The following PI4KB variants were observed in gnomAD, a reference collection of about 807,000 sequenced individuals.
PI4KB encodes the protein PtdIns 4-kinase beta.
Under a neutral mutation model 81.4 loss-of-function variants are expected in PI4KB, and 23 were observed. The observed-to-expected ratio is 0.28, with a 90% CI of 0.20 to 0.40. The LOEUF is 0.40. Among genes scored for constraint, PI4KB ranks in the 10% least tolerant of loss-of-function variants. PI4KB has a pLI of 1.00. For synonymous variants in PI4KB, 381 were observed against 406.8 expected (o/e 0.94, Z 0.76); for missense variants, 651 against 1,036.6 (o/e 0.63, Z 5.11).
chr1:151,326,404 T>C (rs759338985), intron 1 of PI4KB: 222 of 520,046 alleles, frequency 4.3e-4, no homozygotes, highest in Non-Finnish European at 6.4e-4. Flanking sequence ...AGATAAAGAG[T>C]GTAACAGAGA....
chr1:151,298,673 G>A lies in PI4KB; in HGVS notation c.2015+135C>T, dbSNP rs587628720. 2.1e-4 allele frequency: 204 copies of A among 963,288 alleles called. 4 individuals carry two copies. In the South Asian group the frequency reaches 3.0e-3, roughly 14 times the overall value. 59.7% of individuals were successfully genotyped at this position (963,288 alleles called of 1,614,324 possible). On this transcript the variant is annotated intron_variant, in intron 9 of 11. Coordinates refer to ENST00000368873, the MANE Select transcript of PI4KB (RefSeq NM_001369623.2). ...GACTTAATGTCATGGGAACACATCT[G>A]TCTCTGCTTAAAATACATTGTTTCA...
In PI4KB at chr1:151,316,074, T is replaced by A; in HGVS notation, c.408A>T (p.Ser136=). 3.7e-6 allele frequency: 6 copies of A among 1,614,154 alleles called. No individual in the cohort carries two copies. The highest frequency in any genetic ancestry group is 4.2e-6 in the Non-Finnish European group (5 of 1,180,018). The part of the protein sequence containing the change: ...KQSWLLRLFE[S]KLFDISMAIS... ...TGGCCATGGAGATGTCAAACAGTTT[T>A]GACTCAAACAGCCTCAGCAGCCAAG... Residue 136 remains serine (S), a synonymous_variant, in exon 2 of 12, where the codon TCA becomes TCT. Transcript: ENST00000368873.
At chr1:151,299,726 G>A (rs918631622) in intron 8 of PI4KB, among the ~76,000 whole-genome samples, 1 of 152,118 alleles carries the variant, frequency 6.6e-6, no homozygotes, top group African/African-American at 2.4e-5. Flanking sequence ...TTTAGGTCCA[G>A]AGAAGACTTC....
intron 1 of PI4KB, among the ~76,000 whole-genome samples, chr1:151,323,067 AAAAG>A (rs1438470160): frequency 2.6e-5 from 4 of 152,240 alleles, no homozygotes; most frequent in African/African-American, 7.2e-5. Flanking sequence ...AAGTTAATGG[AAAAG>A]AAAGAAAGGT....
chr1:151,302,757 ATT>A (rs1695402110), intron 6 of PI4KB, among the ~76,000 whole-genome samples: 1 of 142,684 alleles, frequency 7.0e-6, no homozygotes, highest in African/African-American at 2.6e-5. Flanking sequence ...TTTTTTTTGT[ATT>A]TTTTTGGTAG....
chr1:151,296,196 G>A lies in PI4KB; in HGVS notation c.2016-1655C>T, dbSNP rs12750030. ...TGGGAGGCAGAGGTTACAGTGAGCC[G>A]AGATCACGCCACTGCACTCCAGCCT... On this transcript the variant is annotated intron_variant, in intron 9 of 11. Coordinates refer to ENST00000368873, the MANE Select transcript of PI4KB (RefSeq NM_001369623.2). Among the ~76,000 whole-genome samples the A allele has an allele frequency of 5.8e-3, 877 of 152,224 alleles. 3 individuals are homozygous for A. The highest frequency in any genetic ancestry group is 0.014 in the Middle Eastern group (4 of 294).
chr1:151,293,780 TA>T, intron 11 of PI4KB: 1 of 483,520 alleles, frequency 2.1e-6, no homozygotes, highest in South Asian at 2.5e-5. Flanking sequence ...GTTTTCTCCC[TA>T]AAGATGCCAA....
In PI4KB at chr1:151,315,575, C is replaced by A; in HGVS notation, c.907G>T (p.Glu303Ter). 1 of 1,612,570 alleles carries A rather than the reference C, an allele frequency of 6.2e-7. No homozygotes were observed. Among genetic ancestry groups the A allele is most frequent in the South Asian group, 1.1e-5 (1 of 90,994 alleles). Residue 303 changes from glutamate (E) to a stop codon, truncating the protein, a stop_gained and splice_region_variant, in exon 2 of 12, where the codon GAG (glutamate) becomes TAG (stop). Transcript: ENST00000368873. LOFTEE classifies it high-confidence loss of function. The part of the protein sequence containing the change: ...ASNPKVENED[E>*]ELSSSTESID... ...TCTGGCCCTCCCCAGAATTTTACCT[C>A]ATCCTCATTCTCCACTTTAGGGTTG...
rs954257445 is a variant in PI4KB at position 151,291,825 on chromosome 1, G to A, written c.*1027C>T. 6.6e-6 allele frequency: 1 copy of A among 152,632 alleles called. No individual in the cohort carries two copies. The highest frequency in any genetic ancestry group is 1.9e-4 in the East Asian group (1 of 5,182). The allele number at this position is 152,632 out of a possible 1,614,324, so 9.5% of individuals were successfully genotyped here. A position where few individuals can be genotyped will look rare whatever the true frequency, so the allele number is the denominator to read the frequency against. On this transcript the variant is annotated 3_prime_UTR_variant, in exon 12 of 12. Coordinates refer to ENST00000368873, the MANE Select transcript of PI4KB (RefSeq NM_001369623.2). ...AGGCTCTCAGGAATCCTTTATTCTT[G>A]TAGTAATAATAATACTAACAAACAG...
At chr1:151,324,858 G>A (rs1287978981) in intron 1 of PI4KB, 2 of 985,082 alleles carry the variant, frequency 2.0e-6, no homozygotes, top group African/African-American at 1.7e-5. Flanking sequence ...CCCAAATCAA[G>A]GAATCTCAAT....
Position 151,315,894 on chromosome 1 carries a change from G to C in PI4KB, c.588C>G (p.Pro196=), listed in dbSNP as rs754130802. ...MDEDVGDAIK[P]YIVHRCRQSI... is the part of the protein sequence containing the mutation. The stretch of plus-strand genomic sequence containing the variant: ...TCTGGCGGCAACGGTGGACTATGTA[G>C]GGCTTAATGGCATCACCCACGTCCT... The change falls in exon 2 of 12, where the codon CCC becomes CCG. Residue 196 remains proline (P), a synonymous_variant. Coordinates refer to ENST00000368873, the MANE Select transcript of PI4KB (RefSeq NM_001369623.2). 1.2e-6 allele frequency: 2 copies of C among 1,613,964 alleles called. No individual in the cohort carries two copies. Among genetic ancestry groups the C allele is most frequent in the African/African-American group, 2.7e-5 (2 of 74,916 alleles).
chr1:151,303,772 A>C, intron 5 of PI4KB, 122 bp from the exon 6 acceptor site: 1 of 712,650 alleles, frequency 1.4e-6, no homozygotes, highest in Non-Finnish European at 2.5e-6. Flanking sequence ...CTTACACACC[A>C]TGTTGGTTAC....
Position 151,317,002 on chromosome 1 carries a change from T to C in PI4KB, c.-28-493A>G, listed in dbSNP as rs187938841. ...AACGTCCAGCTAATTTTGTTTTGTA[T>C]TTTTAGTAGACACACGGTTTCACCA... On this transcript the variant is annotated intron_variant, in intron 1 of 11. Transcript: ENST00000368873. Among the ~76,000 whole-genome samples, 801 of 152,130 alleles carry C rather than the reference T, an allele frequency of 5.3e-3. 23 individuals are homozygous for C. Among genetic ancestry groups the C allele is most frequent in the Admixed American group, 0.047 (720 of 15,284 alleles).
chr1:151,320,991 A>G (rs1648767611), intron 1 of PI4KB, among the ~76,000 whole-genome samples: 2 of 152,194 alleles, frequency 1.3e-5, no homozygotes, highest in South Asian at 4.1e-4. Context: ...GCCTGCCCCA[A>G]TTAACTACGA....
intron 5 of PI4KB, among the ~76,000 whole-genome samples, chr1:151,305,387 A>T (rs762710998): frequency 2.6e-5 from 4 of 152,180 alleles, no homozygotes; most frequent in Non-Finnish European, 5.9e-5. Flanking sequence ...CCACGTGTCC[A>T]GTCTTATTCT....
rs1649807718 is a variant in PI4KB at position 151,327,339 on chromosome 1, G to C, written c.-97C>G. 2 of 397,072 alleles carry C rather than the reference G, an allele frequency of 5.0e-6. No homozygotes were observed. Among genetic ancestry groups the C allele is most frequent in the Non-Finnish European group, 8.9e-6 (2 of 225,506 alleles). The allele number at this position is 397,072 out of a possible 1,614,324, so 24.6% of individuals were successfully genotyped here. ...GACTGCCGACACTGCCGCCTCAGCA[G>C]CAGCGACCGCTCCCGGGTTCCATTG... On this transcript the variant is annotated 5_prime_UTR_variant, in exon 1 of 12. Coordinates refer to ENST00000368873, the MANE Select transcript of PI4KB (RefSeq NM_001369623.2).
chr1:151,297,465 C>T (rs587701242), intron 9 of PI4KB, among the ~76,000 whole-genome samples: 2 of 151,276 alleles, frequency 1.3e-5, no homozygotes, highest in East Asian at 3.9e-4. Context: ...CCTTACCTCC[C>T]GAGTAGCTGG....
chr1:151,305,924 C>G (rs1476416987), intron 5 of PI4KB, among the ~76,000 whole-genome samples: 1 of 152,204 alleles, frequency 6.6e-6, no homozygotes, highest in Admixed American at 6.5e-5. Context: ...ACATTTAAAT[C>G]TGAATCCTTC....
At chr1:151,298,120 A>G (rs1277712092) in intron 9 of PI4KB, among the ~76,000 whole-genome samples, 5 of 152,248 alleles carry the variant, frequency 3.3e-5, no homozygotes, top group Non-Finnish European at 7.3e-5. Context: ...AGCTCTGGGC[A>G]AAACAACAGA....
Sources: gnomAD v4.1 joint callset for allele counts (sites outside exome capture counted in the v4.1 genomes callset) on GRCh38, gnomAD v4.1.1 for gene constraint, MANE v1.5 for transcripts, NCBI Gene and HGNC (gene_info 2026-07-23, HGNC 2026-07-21) for gene names.